Variants in PTN observed in about 807,000 individuals in gnomAD.
The protein encoded by PTN is heparin affin regulatory protein.
PTN carries 18 observed loss-of-function variants against 24.1 expected under a neutral mutation model. The observed-to-expected ratio is 0.75, with a 90% CI of 0.52 to 1.11. The LOEUF is 1.11. Among genes scored for constraint, PTN ranks in the 50% least tolerant of loss-of-function variants. The probability of loss-of-function intolerance (pLI) is 0.00; values close to 1 mark genes in which losing one functional copy is unlikely to be tolerated. For missense variants in PTN, 163 were observed against 198.8 expected (o/e 0.82, Z 1.08); for synonymous variants, 78 against 68.6 (o/e 1.14, Z -0.67).
intron 1 of PTN, among the ~76,000 whole-genome samples, chr7:137,265,094 T>C (rs938745669): frequency 6.6e-6 from 1 of 152,138 alleles, no homozygotes; most frequent in African/African-American, 2.4e-5. Flanking sequence ...CTGTTGGTTG[T>C]AATAGATGTA....
intron 1 of PTN, among the ~76,000 whole-genome samples, chr7:137,302,525 C>A (rs1033049323): frequency 2.0e-5 from 3 of 151,960 alleles, no homozygotes; most frequent in Admixed American, 6.6e-5. Context: ...GGGTTTATTA[C>A]CAACTTATAC....
chr7:137,233,448 T>C (rs770977119), intron 4 of PTN, among the ~76,000 whole-genome samples: 59 of 152,008 alleles, frequency 3.9e-4, no homozygotes, highest in Non-Finnish European at 6.8e-4. Context: ...CATTAATTTA[T>C]TGATTCAGCA....
At chr7:137,252,881 A>G (rs544508428) in intron 3 of PTN, among the ~76,000 whole-genome samples, 2 of 152,320 alleles carry the variant, frequency 1.3e-5, no homozygotes, top group Admixed American at 6.5e-5. Context: ...GATTTATGAA[A>G]CGTGGCTGTG....
intron 1 of PTN, among the ~76,000 whole-genome samples, chr7:137,270,714 G>C (rs1231119884): frequency 1.3e-5 from 2 of 152,124 alleles, no homozygotes; most frequent in African/African-American, 4.8e-5. Flanking sequence ...TATATTTAGT[G>C]GGCAAGCTGG....
chr7:137,247,376 A>G (rs1563198673), intron 4 of PTN, among the ~76,000 whole-genome samples: 1 of 152,204 alleles, frequency 6.6e-6, no homozygotes, highest in Non-Finnish European at 1.5e-5. Flanking sequence ...CAACATGGAT[A>G]GAAATGGAGA....
chr7:137,309,382 G>A (rs139116275), intron 1 of PTN, among the ~76,000 whole-genome samples: 1,622 of 152,274 alleles, frequency 0.011, 32 homozygotes, highest in African/African-American at 0.037. Flanking sequence ...GTTGATGGCT[G>A]CTGAGTGATC....
intron 4 of PTN, among the ~76,000 whole-genome samples, chr7:137,240,768 A>G (rs1004964170): frequency 3.1e-4 from 47 of 152,214 alleles, no homozygotes; most frequent in Admixed American, 2.9e-3. Context: ...TCTAAAATTC[A>G]TTCACTTTCT....
chr7:137,253,666 C>A (rs1808868503), intron 2 of PTN, 29 bp from the exon 3 acceptor site: 4 of 1,486,096 alleles, frequency 2.7e-6, no homozygotes, highest in Non-Finnish European at 3.6e-6. Context: ...ACCTAATCAA[C>A]ATACAGAAAA....
intron 1 of PTN, among the ~76,000 whole-genome samples, chr7:137,272,753 A>G (rs1031555492): frequency 1.3e-5 from 2 of 152,252 alleles, no homozygotes; most frequent in Admixed American, 1.3e-4. Context: ...AATGTCCCAC[A>G]TTATAATTGT....
At position 137,343,436 on chromosome 7, in the gene PTN, T is replaced by C. The variant is rs1389017469; in HGVS notation, c.-2+3A>G. On this transcript the variant is annotated splice_donor_region_variant and intron_variant, in intron 1 of 4. Coordinates refer to ENST00000348225, the MANE Select transcript of PTN (RefSeq NM_002825.7). Reference sequence around the variant, plus strand: ...CGAGAAATCGTACGTTCCTCTCACTTACTTTGAGTTGGAAACGTCCTCTCT... The same window carrying C: ...CGAGAAATCGTACGTTCCTCTCACTCACTTTGAGTTGGAAACGTCCTCTCT... The C allele has an allele frequency of 1.9e-6, 1 of 514,284 alleles. No homozygotes were observed. 31.9% of individuals were successfully genotyped at this position (514,284 alleles called of 1,614,324 possible).
Position 137,270,061 on chromosome 7 carries a change from G to A in PTN, c.-1-15087C>T, listed in dbSNP as rs771276940. On this transcript the variant is annotated intron_variant, in intron 1 of 4. Coordinates refer to ENST00000348225, the MANE Select transcript of PTN (RefSeq NM_002825.7). Reference sequence around the variant, plus strand: ...CCTACCCTATGCCAGCCACTGGGTGGTATTCTCAAGACACGACAGTGACAA... The same window carrying A: ...CCTACCCTATGCCAGCCACTGGGTGATATTCTCAAGACACGACAGTGACAA... 4.8e-4 allele frequency among the ~76,000 whole-genome samples: 73 copies of A among 152,136 alleles called. 1 individual carries two copies. The highest frequency in any genetic ancestry group is 1.3e-4 in the Non-Finnish European group (9 of 68,014).
chr7:137,291,467 A>G (rs1292668220), intron 1 of PTN, among the ~76,000 whole-genome samples: 1 of 152,158 alleles, frequency 6.6e-6, no homozygotes, highest in Non-Finnish European at 1.5e-5. Flanking sequence ...AATGTAGAGC[A>G]AGGCTCACAT....
At chr7:137,327,552 T>C (rs572409934) in intron 1 of PTN, among the ~76,000 whole-genome samples, 1 of 152,160 alleles carries the variant, frequency 6.6e-6, no homozygotes, top group African/African-American at 2.4e-5. Flanking sequence ...TCCCAGAACT[T>C]TGGGATGTGA....
intron 1 of PTN, among the ~76,000 whole-genome samples, chr7:137,337,368 T>C (rs533587296): frequency 1.5e-4 from 23 of 152,302 alleles, no homozygotes; most frequent in African/African-American, 5.3e-4. Context: ...CTGTATGTCA[T>C]TGAATATGGC....
chr7:137,326,107 G>A (rs1039181533), intron 1 of PTN: 4 of 152,216 alleles, frequency 2.6e-5, no homozygotes, highest in Admixed American at 2.0e-4. Flanking sequence ...CTGCAGCTTG[G>A]ATGGGAGCCC....
chr7:137,316,558 G>A (rs983501971), intron 1 of PTN, among the ~76,000 whole-genome samples: 1 of 152,044 alleles, frequency 6.6e-6, no homozygotes, highest in African/African-American at 2.4e-5. Flanking sequence ...TAATAACAGG[G>A]GCCTCATGCC....
rs549809474 is a variant in PTN at position 137,242,114 on chromosome 7, G to T, written c.451+9116C>A. Reference sequence around the variant, plus strand: ...AAAAGAATCTATTTAGCTGGGGAGAGAATTGAGAATGCTGGGAATATCACT... The same window carrying T: ...AAAAGAATCTATTTAGCTGGGGAGATAATTGAGAATGCTGGGAATATCACT... On this transcript the variant is annotated intron_variant, in intron 4 of 4. Transcript: ENST00000348225. Among the ~76,000 whole-genome samples, 8 of 152,302 alleles carry T rather than the reference G, an allele frequency of 5.3e-5. No homozygotes were observed. The South Asian group carries it at 1.7e-3, about 32-fold the overall frequency.
Position 137,324,433 on chromosome 7 carries a change from A to AAAAAT in PTN, c.-2+19005_-2+19006insATTTT. On this transcript the variant is annotated intron_variant, in intron 1 of 4. Transcript: ENST00000348225. Reference sequence around the variant, plus strand: ...CCCTGTCTCTAAAAAAAAAAAAAAAAATATATATATATATATATAAATTAA... The same window carrying AAAAAT: ...CCCTGTCTCTAAAAAAAAAAAAAAAAAAAATATATATATATATATATATAAATTAA... Among the ~76,000 whole-genome samples, 159 of 88,752 alleles carry AAAAAT rather than the reference A, an allele frequency of 1.8e-3. 6 individuals are homozygous for AAAAAT. Among genetic ancestry groups the AAAAAT allele is most frequent in the African/African-American group, 0.01 (149 of 14,478 alleles). 58.2% of individuals were successfully genotyped at this position (88,752 alleles called of 152,430 possible).
At chr7:137,319,940 C>T (rs546050798) in intron 1 of PTN, among the ~76,000 whole-genome samples, 2 of 152,168 alleles carry the variant, frequency 1.3e-5, no homozygotes, top group East Asian at 3.9e-4. Flanking sequence ...CCTAAGTAAT[C>T]CCCTCCACGT....
Sources: gnomAD v4.1 joint callset for allele counts (sites outside exome capture counted in the v4.1 genomes callset) on GRCh38, gnomAD v4.1.1 for gene constraint, MANE v1.5 for transcripts, NCBI Gene and HGNC (gene_info 2026-07-23, HGNC 2026-07-21) for gene names.